REPS2: variants seen among roughly 807,000 people sequenced by gnomAD.
The protein encoded by REPS2 is ralBP1-associated Eps domain-containing protein 2.
A neutral mutation model predicts 53.6 loss-of-function variants in REPS2; 23 were observed. The observed-to-expected ratio is 0.43, with a 90% CI of 0.31 to 0.61. REPS2 has a LOEUF of 0.61. REPS2 is among the 20% of genes least tolerant of loss of function. The pLI is 0.11. For synonymous variants in REPS2, 238 were observed against 218.6 expected, an observed-to-expected ratio of 1.09 and a Z score of -0.78; for missense variants, 446 against 534.9, an observed-to-expected ratio of 0.83 and a Z score of 1.64.
chrX:17,095,931 G>T (rs2062691032), intron 13 of REPS2, among the ~76,000 whole-genome samples: 1 of 111,865 alleles, frequency 8.9e-6, no homozygotes, highest in Non-Finnish European at 1.9e-5. Flanking sequence ...GCTATTAGTT[G>T]CTCATCTGTT....
At chrX:17,163,225 A>C in the REPS2 span, among the ~76,000 whole-genome samples, 5 of 111,953 alleles carry the variant, frequency 4.5e-5, no homozygotes, top group Non-Finnish European at 9.4e-5. Flanking sequence ...ACCAGAGGGG[A>C]AAAACAGCAA....
At position 16,946,975 on chromosome X, in the gene REPS2, C is replaced by G; in HGVS notation, c.114C>G (p.Tyr38Ter). ...TGAGCGAGGGCGAGCAGCAGTGCTA[C>G]TCCGAGCTCTTCGCGCGCTGTGCCG... Reference protein sequence around the residue: ...LLLSEGEQQCYSELFARCAGA... With the variant: ...LLLSEGEQQC The change falls in exon 1 of 18, where the codon TAC becomes TAG. Residue 38 changes from tyrosine to a stop codon, truncating the protein, a stop_gained. Coordinates refer to ENST00000357277, the MANE Select transcript of REPS2 (RefSeq NM_004726.3). LOFTEE classifies it high-confidence loss of function. The G allele has an allele frequency of 1.1e-6, 1 of 921,915 alleles. No individual in the cohort carries two copies. The highest frequency in any genetic ancestry group is 1.3e-6 in the Non-Finnish European group (1 of 747,013). 76.0% of individuals were successfully genotyped at this position (921,915 alleles called of 1,213,427 possible).
At position 17,135,258 on chromosome X, in the gene REPS2, C is replaced by T; in HGVS notation, c.1663-3C>T. ...TAATTTTTATTTTGTTTTAAATCCA[C>T]AGGATGTACTGTATTCTCAGCCACC... On this transcript the variant is annotated splice_polypyrimidine_tract_variant and splice_region_variant and intron_variant, in intron 15 of 17. Coordinates refer to ENST00000357277, the MANE Select transcript of REPS2 (RefSeq NM_004726.3). The T allele has an allele frequency of 8.3e-7, 1 of 1,199,333 alleles. No individual in the cohort carries two copies. Among genetic ancestry groups the T allele is most frequent in the Non-Finnish European group, 1.1e-6 (1 of 891,244 alleles).
intron 1 of REPS2, among the ~76,000 whole-genome samples, chrX:16,952,318 A>G (rs897108293): frequency 8.9e-6 from 1 of 111,759 alleles, no homozygotes; most frequent in Non-Finnish European, 1.9e-5. Flanking sequence ...ATGAGTGAGA[A>G]CATGCGGTGT....
the REPS2 span, among the ~76,000 whole-genome samples, chrX:17,171,956 G>A: frequency 1.3e-3 from 144 of 111,553 alleles, 1 homozygote; most frequent in Middle Eastern, 0.014. Flanking sequence ...TGGTGGTAAC[G>A]CTAACCAATG....
chrX:16,964,963 G>T (rs2060723317), intron 1 of REPS2, among the ~76,000 whole-genome samples: 1 of 75,860 alleles, frequency 1.3e-5, no homozygotes, highest in Non-Finnish European at 2.5e-5. Flanking sequence ...GGGCAGAGTG[G>T]CTCCTCACTT....
chrX:17,087,416 T>C (rs900127418), intron 13 of REPS2, among the ~76,000 whole-genome samples: 2 of 111,600 alleles, frequency 1.8e-5, no homozygotes, highest in Admixed American at 9.5e-5. Flanking sequence ...AAGATTCAAG[T>C]TGGCTGGCTG....
At chrX:17,120,999 G>A (rs764188204) in intron 14 of REPS2, among the ~76,000 whole-genome samples, 24 of 111,639 alleles carry the variant, frequency 2.1e-4, no homozygotes, top group Admixed American at 7.6e-4. Flanking sequence ...ATATGCCCGT[G>A]TCTGTGGTTT....
chrX:17,057,049 G>C (rs1310294909), intron 8 of REPS2, among the ~76,000 whole-genome samples: 1 of 112,136 alleles, frequency 8.9e-6, no homozygotes, highest in East Asian at 2.8e-4. Context: ...AGTGCTCATT[G>C]AGAGGCCCCA....
chrX:16,956,624 G>T (rs2060601249), intron 1 of REPS2, among the ~76,000 whole-genome samples: 1 of 111,972 alleles, frequency 8.9e-6, no homozygotes, highest in South Asian at 3.7e-4. Context: ...AGTCTGTCCT[G>T]CAGGAAGCTC....
rs780990617 is a variant in REPS2 at position 17,102,043 on chromosome X, G to T, written c.1517-1675G>T. On this transcript the variant is annotated intron_variant, in intron 13 of 17. Transcript: ENST00000357277. ...TTTATTTTATTTTATGTTATGTTAT[G>T]TTATGTTATGTTATGTTATGTTATG... 4.2e-4 allele frequency among the ~76,000 whole-genome samples: 29 copies of T among 68,236 alleles called. No individual in the cohort carries two copies. The South Asian group carries it at 9.2e-3, about 22-fold the overall frequency. 59.3% of individuals were successfully genotyped at this position (68,236 alleles called of 115,157 possible). A position where few individuals can be genotyped will look rare whatever the true frequency, so the allele number is the denominator to read the frequency against.
intron 6 of REPS2, among the ~76,000 whole-genome samples, 181 bp from the exon 7 acceptor site, chrX:17,052,201 A>T (rs912918316): frequency 2.7e-5 from 3 of 112,406 alleles, no homozygotes; most frequent in Non-Finnish European, 3.8e-5. Context: ...ACATATTTTT[A>T]AAAAAGCTAT....
At chrX:17,141,710 G>T (rs1220508255) in intron 17 of REPS2, among the ~76,000 whole-genome samples, 1 of 112,019 alleles carries the variant, frequency 8.9e-6, no homozygotes, top group African/African-American at 3.2e-5. Flanking sequence ...ATTTTAGCTA[G>T]CCCTGTAGTG....
intron 1 of REPS2, among the ~76,000 whole-genome samples, chrX:16,975,511 T>C (rs1216511850): frequency 9.0e-6 from 1 of 111,666 alleles, no homozygotes; most frequent in Non-Finnish European, 1.9e-5. Context: ...GCCACGTGTA[T>C]GTCTTCTTTT....
In REPS2 at chrX:17,020,889, C is replaced by T. The variant is rs747722308; in HGVS notation, c.398-1234C>T. On this transcript the variant is annotated intron_variant, in intron 2 of 17. Transcript: ENST00000357277. Reference sequence around the variant, plus strand: ...CAGGAGGTCCACCCGCCTCCGCCTCCCAAAGTGCTGGAATTATAGGCGTAA... The same window carrying T: ...CAGGAGGTCCACCCGCCTCCGCCTCTCAAAGTGCTGGAATTATAGGCGTAA... 3.9e-4 allele frequency among the ~76,000 whole-genome samples: 44 copies of T among 111,702 alleles called. No individual in the cohort carries two copies. The East Asian group carries it at 4.5e-3, about 11-fold the overall frequency.
intron 8 of REPS2, among the ~76,000 whole-genome samples, chrX:17,061,913 T>C (rs1280355819): frequency 2.7e-5 from 3 of 112,662 alleles, no homozygotes; most frequent in African/African-American, 9.7e-5. Flanking sequence ...CTCTTATTTT[T>C]ATCATTCCTG....
Position 17,074,163 on chromosome X carries a change from G to A in REPS2, c.1379+4G>A, listed in dbSNP as rs1262893277. On this transcript the variant is annotated splice_donor_region_variant and intron_variant, in intron 12 of 17. Coordinates refer to ENST00000357277, the MANE Select transcript of REPS2 (RefSeq NM_004726.3). ...TCAAAGCAAGACCAAGATCCAGGTA[G>A]TGTTCGTTTAATTTCTGCTTTAATG... 1 of 1,206,927 alleles carries A rather than the reference G, an allele frequency of 8.3e-7. No individual in the cohort carries two copies. The highest frequency in any genetic ancestry group is 1.8e-5 in the African/African-American group (1 of 57,045).
At chrX:17,135,072 G>GA (rs1353374053) in intron 15 of REPS2, among the ~76,000 whole-genome samples, 189 bp from the exon 16 acceptor site, 1 of 110,012 alleles carries the variant, frequency 9.1e-6, no homozygotes, top group Non-Finnish European at 1.9e-5. Context: ...AAAAGAAAAA[G>GA]AAAAAAGGGA....
intron 1 of REPS2, among the ~76,000 whole-genome samples, chrX:16,994,066 C>T (rs1462331519): frequency 8.9e-6 from 1 of 112,334 alleles, no homozygotes; most frequent in East Asian, 2.8e-4. Context: ...ACCAACATTG[C>T]CTGCATTGGA....
Sources: gnomAD v4.1 joint callset for allele counts (sites outside exome capture counted in the v4.1 genomes callset) on GRCh38, gnomAD v4.1.1 for gene constraint, MANE v1.5 for transcripts, NCBI Gene and HGNC (gene_info 2026-07-23, HGNC 2026-07-21) for gene names.